NETO1: variants seen among roughly 807,000 people sequenced by gnomAD.
NETO1 encodes neuropilin and tolloid-like protein 1.
NETO1 carries 26 observed loss-of-function variants against 61.3 expected under a neutral mutation model. The observed-to-expected ratio is 0.42, with a 90% CI of 0.31 to 0.59. NETO1 has a LOEUF of 0.59. Ranked by LOEUF, NETO1 falls within the 20% of genes least tolerant of loss-of-function variation. NETO1 has a pLI of 0.12. For missense variants in NETO1, 531 were observed against 662.8 expected, an observed-to-expected ratio of 0.80 and a Z score of 2.18; for synonymous variants, 225 against 225.8, an observed-to-expected ratio of 1.00 and a Z score of 0.03.
chr18:72,784,155 G>A (rs77592572), intron 6 of NETO1, among the ~76,000 whole-genome samples: 1,656 of 151,742 alleles, frequency 0.011, 32 homozygotes, highest in African/African-American at 0.038. Context: ...ACCCAAATTC[G>A]CTTTATGTCT....
Position 72,828,367 on chromosome 18 carries a change from T to A in NETO1, c.469+30459A>T, listed in dbSNP as rs183781066. 2.0e-5 allele frequency among the ~76,000 whole-genome samples: 3 copies of A among 151,474 alleles called. No individual in the cohort carries two copies. In the South Asian group the frequency reaches 6.2e-4, roughly 31 times the overall value. On this transcript the variant is annotated intron_variant, in intron 4 of 10. Transcript: ENST00000327305. The stretch of plus-strand genomic sequence containing the variant: ...AAAACAGAAGCAACATCATCATACA[T>A]GAGAGCTAGCAGAAGCAACATACAA...
At chr18:72,760,062 T>C (rs994860210) in intron 7 of NETO1, among the ~76,000 whole-genome samples, 6 of 152,200 alleles carry the variant, frequency 3.9e-5, no homozygotes, top group Non-Finnish European at 1.5e-5. Context: ...CTACTTGAAA[T>C]TGTATTTAGA....
At chr18:72,846,339 C>G (rs2074083067) in intron 4 of NETO1, among the ~76,000 whole-genome samples, 1 of 151,208 alleles carries the variant, frequency 6.6e-6, no homozygotes, top group East Asian at 2.0e-4. Flanking sequence ...CCCGTCTCTA[C>G]TAAAAAAATT....
intron 7 of NETO1, among the ~76,000 whole-genome samples, chr18:72,777,147 G>C (rs1180293547): frequency 6.6e-6 from 1 of 152,238 alleles, no homozygotes. Flanking sequence ...GCCAGGCACA[G>C]TGGCTCATGC....
At chr18:72,755,378 A>C (rs1438792158) in intron 8 of NETO1, among the ~76,000 whole-genome samples, 2 of 152,146 alleles carry the variant, frequency 1.3e-5, no homozygotes, top group African/African-American at 4.8e-5. Flanking sequence ...TTATTTGCCT[A>C]TCTTCTTTTG....
intron 7 of NETO1, among the ~76,000 whole-genome samples, chr18:72,757,858 A>G (rs572477649): frequency 1.7e-4 from 26 of 152,300 alleles, no homozygotes; most frequent in Middle Eastern, 3.4e-3. Context: ...CAGCATATAA[A>G]GGAGATTTTG....
intron 4 of NETO1, among the ~76,000 whole-genome samples, chr18:72,809,906 T>C (rs114016075): frequency 0.01 from 1,549 of 152,352 alleles, 24 homozygotes; most frequent in African/African-American, 0.035. Flanking sequence ...TCCTTTAATA[T>C]ATAGCATCAT....
chr18:72,844,632 T>C (rs548905688), intron 4 of NETO1, among the ~76,000 whole-genome samples: 5 of 152,342 alleles, frequency 3.3e-5, no homozygotes, highest in African/African-American at 1.2e-4. Context: ...TCATTCTACA[T>C]GCTTTATTTC....
At chr18:72,855,266 C>T (rs546475757) in intron 4 of NETO1, among the ~76,000 whole-genome samples, 9 of 152,310 alleles carry the variant, frequency 5.9e-5, no homozygotes, top group African/African-American at 1.7e-4. Context: ...CAAGGCTCTG[C>T]GCCCCCTGGC....
intron 4 of NETO1, among the ~76,000 whole-genome samples, chr18:72,833,268 T>G (rs1161412855): frequency 6.6e-6 from 1 of 152,218 alleles, no homozygotes; most frequent in Non-Finnish European, 1.5e-5. Context: ...TTTCTGACAT[T>G]TAAGCACTTC....
At chr18:72,854,152 T>C (rs1035511112) in intron 4 of NETO1, among the ~76,000 whole-genome samples, 6 of 152,194 alleles carry the variant, frequency 3.9e-5, no homozygotes, top group Non-Finnish European at 5.9e-5. Context: ...AGCATGCAGC[T>C]TGAGAGGTGG....
chr18:72,755,874 G>T (rs926705027), intron 8 of NETO1, among the ~76,000 whole-genome samples, 160 bp downstream of exon 8: 1 of 152,088 alleles, frequency 6.6e-6, no homozygotes, highest in Non-Finnish European at 1.5e-5. Flanking sequence ...CATGAGTAAA[G>T]GCTAAGAAAA....
At chr18:72,800,087 G>T (rs996417000) in intron 4 of NETO1, among the ~76,000 whole-genome samples, 1 of 152,210 alleles carries the variant, frequency 6.6e-6, no homozygotes, top group Admixed American at 6.5e-5. Context: ...CTTTCTCACA[G>T]CTGGTGCATG....
intron 4 of NETO1, among the ~76,000 whole-genome samples, chr18:72,852,101 T>C (rs566010385): frequency 1.8e-4 from 27 of 152,356 alleles, no homozygotes; most frequent in Admixed American, 5.2e-4. Context: ...ATTTAAAACA[T>C]AGTCCGGCGA....
chr18:72,843,219 T>G (rs1452082913), intron 4 of NETO1, among the ~76,000 whole-genome samples: 1 of 152,226 alleles, frequency 6.6e-6, no homozygotes, highest in African/African-American at 2.4e-5. Context: ...TCAACGGTCA[T>G]TAATATTGTT....
At chr18:72,792,067 T>C (rs1318195411) in intron 6 of NETO1, among the ~76,000 whole-genome samples, 1 of 152,162 alleles carries the variant, frequency 6.6e-6, no homozygotes, top group East Asian at 1.9e-4. Flanking sequence ...GGTGCCACAT[T>C]TCCACTTTAT....
rs1274957611 is a variant in NETO1 at position 72,756,663 on chromosome 18, A to G, written c.869-516T>C. ...CATGGAAATTCAGAATCATGAAAAA[A>G]TTAATCCTGAACAACATAAAAAATA... On this transcript the variant is annotated intron_variant, in intron 7 of 10. Coordinates refer to ENST00000327305, the MANE Select transcript of NETO1 (RefSeq NM_138966.5). Among the ~76,000 whole-genome samples, 4 of 152,254 alleles carry G rather than the reference A, an allele frequency of 2.6e-5. No homozygotes were observed. The East Asian group carries it at 7.7e-4, about 29-fold the overall frequency.
At chr18:72,862,562 A>G (rs1568275607) in intron 3 of NETO1, among the ~76,000 whole-genome samples, 1 of 151,748 alleles carries the variant, frequency 6.6e-6, no homozygotes, top group Non-Finnish European at 1.5e-5. Context: ...ATATTAGAAC[A>G]GTCCCAGGAT....
intron 1 of NETO1, 109 bp from the exon 2 acceptor site, chr18:72,865,350 C>A: frequency 8.4e-7 from 1 of 1,188,614 alleles, no homozygotes; most frequent in Non-Finnish European, 1.2e-6. Flanking sequence ...TTAATTTTTT[C>A]ATTGTTAACT....
Sources: gnomAD v4.1 joint callset for allele counts (sites outside exome capture counted in the v4.1 genomes callset) on GRCh38, gnomAD v4.1.1 for gene constraint, MANE v1.5 for transcripts, NCBI Gene and HGNC (gene_info 2026-07-23, HGNC 2026-07-21) for gene names.